Variants in TMEM11 observed in about 807,000 individuals in gnomAD.
The protein encoded by TMEM11 is transmembrane protein 11, mitochondrial.
Under a neutral mutation model 17.0 loss-of-function variants are expected in TMEM11, and 1 was observed. That is an observed-to-expected ratio of 0.06 (90% confidence interval 0.02 to 0.28). The LOEUF (loss-of-function observed/expected upper bound fraction) is 0.28. TMEM11 is among the 10% of genes least tolerant of loss of function. TMEM11 has a pLI of 1.00. For synonymous variants in TMEM11, 122 were observed against 118.1 expected (o/e 1.03, Z -0.21); for missense variants, 172 against 252.9 (o/e 0.68, Z 2.17).
At chr17:21,205,157 G>A (rs958892198) in intron 1 of TMEM11, among the ~76,000 whole-genome samples, 1 of 152,116 alleles carries the variant, frequency 6.6e-6, no homozygotes, top group African/African-American at 2.4e-5. Flanking sequence ...CGGCCCCTCT[G>A]GGATGTGGGC....
chr17:21,199,789 G>A (rs1265770947), intron 1 of TMEM11, among the ~76,000 whole-genome samples: 1 of 152,184 alleles, frequency 6.6e-6, no homozygotes, highest in South Asian at 2.1e-4. Flanking sequence ...GCTGCGGAGG[G>A]GAGAAGAGGA....
chr17:21,211,354 C>T, intron 1 of TMEM11: 1 of 673,534 alleles, frequency 1.5e-6, no homozygotes, highest in African/African-American at 1.9e-5. Context: ...TGGAAATGTC[C>T]TCCACCTATG....
intron 1 of TMEM11, among the ~76,000 whole-genome samples, chr17:21,209,119 C>A (rs1417187452): frequency 6.6e-6 from 1 of 152,248 alleles, no homozygotes; most frequent in Non-Finnish European, 1.5e-5. Flanking sequence ...TCCCACAGGC[C>A]AAGGAACTTT....
chr17:21,209,343 AC>A (rs1282650189), intron 1 of TMEM11, among the ~76,000 whole-genome samples: 14 of 152,208 alleles, frequency 9.2e-5, no homozygotes, highest in Non-Finnish European at 2.1e-4. Flanking sequence ...ATGTTGTCAA[AC>A]GGGGCCAGAG....
intron 1 of TMEM11, among the ~76,000 whole-genome samples, chr17:21,199,096 G>A (rs1014923048): frequency 5.9e-5 from 9 of 151,556 alleles, no homozygotes; most frequent in Admixed American, 3.9e-4. Flanking sequence ...CCGGGGGGGC[G>A]GATCATGAGG....
At chr17:21,203,694 G>GA (rs1555542164) in intron 1 of TMEM11, among the ~76,000 whole-genome samples, 17 of 143,650 alleles carry the variant, frequency 1.2e-4, no homozygotes, top group Non-Finnish European at 2.1e-4. Flanking sequence ...ATGACAGAAA[G>GA]AAAAAAAAGA....
At chr17:21,200,828 G>A (rs1291110074) in intron 1 of TMEM11, among the ~76,000 whole-genome samples, 1 of 152,242 alleles carries the variant, frequency 6.6e-6, no homozygotes, top group Non-Finnish European at 1.5e-5. Context: ...CTGCGGTGCA[G>A]AGGAGAGTCA....
Position 21,199,095 on chromosome 17 carries a change from C to A in TMEM11, c.63-255G>T, listed in dbSNP as rs576430285. ...CTAGCACTTTGGGAGGCCGGGGGGGCGGATCATGAGGTCAGGAGTTAGAGA... is the reference window on the plus strand; with the variant it reads ...CTAGCACTTTGGGAGGCCGGGGGGGAGGATCATGAGGTCAGGAGTTAGAGA... On this transcript the variant is annotated intron_variant, in intron 1 of 1. Transcript: ENST00000317635. 2.7e-5 allele frequency among the ~76,000 whole-genome samples: 4 copies of A among 150,582 alleles called. No homozygotes were observed. The East Asian group carries it at 5.8e-4, about 22-fold the overall frequency.
chr17:21,208,535 T>C (rs905450083), intron 1 of TMEM11: 15 of 152,124 alleles, frequency 9.9e-5, no homozygotes, highest in African/African-American at 2.7e-4. Flanking sequence ...TGTGTACCTG[T>C]AGTCCTGCCC....
rs770577880 is a variant in TMEM11 at position 21,200,774 on chromosome 17, G to A, written c.63-1934C>T. ...AGCACAGCCCTCAGTGTGCACAGAC[G>A]CGAAGGTCCCGTCCGCCCAGCCTGT... is the stretch of plus-strand genomic sequence containing the variant. On this transcript the variant is annotated intron_variant, in intron 1 of 1. Transcript: ENST00000317635. Among the ~76,000 whole-genome samples the A allele has an allele frequency of 4.6e-4, 70 of 152,326 alleles. 1 individual carries two copies. The highest frequency in any genetic ancestry group is 1.4e-3 in the South Asian group (7 of 4,830).
intron 1 of TMEM11, among the ~76,000 whole-genome samples, chr17:21,201,831 C>T (rs1426524392): frequency 2.0e-5 from 3 of 152,172 alleles, no homozygotes; most frequent in Non-Finnish European, 4.4e-5. Flanking sequence ...GGGGTTATGC[C>T]ATGTTGCCCA....
At chr17:21,205,988 G>A (rs1037941867) in intron 1 of TMEM11, among the ~76,000 whole-genome samples, 1 of 151,806 alleles carries the variant, frequency 6.6e-6, no homozygotes, top group Non-Finnish European at 1.5e-5. Flanking sequence ...ACTGGCTATT[G>A]TGAATAATGC....
In TMEM11 at chr17:21,198,436, G is replaced by A; in HGVS notation, c.467C>T (p.Pro156Leu). Residue 156 changes from proline to leucine, a missense_variant, in exon 2 of 2, where the codon CCG (proline) becomes CTG (leucine). Pro to Leu is a moderately conservative substitution (Grantham distance 98). Transcript: ENST00000317635. This position sits in a 1 kb window ranked among gnomAD's most constrained non-coding sequence, Gnocchi z 6.5. The stretch of plus-strand genomic sequence containing the variant: ...GTCGTCCTTCCGGACCAGCACCACC[G>A]GGGTGGAGGAGGTGAGTGTGTGCAG... ...LPLHTLTSST[P>L]VVLVRKDDLH... 1.2e-6 allele frequency: 2 copies of A among 1,614,220 alleles called. No homozygotes were observed. The highest frequency in any genetic ancestry group is 1.7e-6 in the Non-Finnish European group (2 of 1,180,052).
intron 1 of TMEM11, among the ~76,000 whole-genome samples, chr17:21,203,239 C>T (rs1014241968): frequency 5.9e-5 from 9 of 152,324 alleles, no homozygotes; most frequent in Admixed American, 2.0e-4. Flanking sequence ...CACCCAAAGC[C>T]GCAGGATCCC....
intron 1 of TMEM11, among the ~76,000 whole-genome samples, chr17:21,206,266 G>C (rs1416153775): frequency 6.6e-6 from 1 of 152,148 alleles, no homozygotes; most frequent in African/African-American, 2.4e-5. Context: ...CCATTGCCCA[G>C]GCTGGAGCGC....
Position 21,198,399 on chromosome 17 carries a change from C to G in TMEM11, c.504G>C (p.Lys168Asn). 1 of 1,614,260 alleles carries G rather than the reference C, an allele frequency of 6.2e-7. No individual in the cohort carries two copies. Among genetic ancestry groups the G allele is most frequent in the Non-Finnish European group, 8.5e-7 (1 of 1,180,056 alleles). The change falls in exon 2 of 2, where the codon AAG (lysine) becomes AAC (asparagine). Residue 168 changes from lysine to asparagine, a missense_variant. Around this residue, in one of 2 missense-constraint regions of TMEM11, gnomAD observed 123 missense variants for 213.6 expected, o/e 0.58. Coordinates refer to ENST00000317635, the MANE Select transcript of TMEM11 (RefSeq NM_003876.3). This position sits in a 1 kb window ranked among gnomAD's most constrained non-coding sequence, Gnocchi z 6.5. ...VLVRKDDLHR[K>N]RLHNTIALAA... is the part of the protein sequence containing the mutation. The stretch of plus-strand genomic sequence containing the variant: ...CCAGTGCTATCGTGTTGTGCAGTCT[C>G]TTTCTGTGCAGGTCGTCCTTCCGGA...
intron 1 of TMEM11, chr17:21,211,294 CCTAT>C (rs1975000545): frequency 1.7e-6 from 2 of 1,186,454 alleles, no homozygotes; most frequent in South Asian, 2.6e-5. Context: ...TTCCACCCCT[CCTAT>C]CTTAGTCGAA....
intron 1 of TMEM11, chr17:21,211,032 G>A (rs1974997529): frequency 7.8e-7 from 1 of 1,289,822 alleles, no homozygotes; most frequent in Non-Finnish European, 1.0e-6. Flanking sequence ...CTGTGAGCTG[G>A]TCCGGGCTGG....
chr17:21,198,234 G>C lies in TMEM11; in HGVS notation c.*90C>G. 6.8e-7 allele frequency: 1 copy of C among 1,470,998 alleles called. No homozygotes were observed. The highest frequency in any genetic ancestry group is 9.2e-7 in the Non-Finnish European group (1 of 1,088,226). The allele number at this position is 1,470,998 out of a possible 1,614,324, so 91.1% of individuals were successfully genotyped here. A position where few individuals can be genotyped will look rare whatever the true frequency, so the allele number is the denominator to read the frequency against. ...AATACTAAGCCAAACACCTGCCCAG[G>C]CTCTGCTGCCTCACAGAGTGTGGCG... On this transcript the variant is annotated 3_prime_UTR_variant, in exon 2 of 2. Coordinates refer to ENST00000317635, the MANE Select transcript of TMEM11 (RefSeq NM_003876.3). The surrounding 1 kb of genome is among the most constrained non-coding windows in gnomAD (Gnocchi z 6.5).
Sources: allele counts gnomAD v4.1 joint callset (sites outside exome capture counted in the v4.1 genomes callset), GRCh38; gene constraint gnomAD v4.1.1; regional missense constraint gnomAD v4.1.1; non-coding constraint Gnocchi (gnomAD v3.1); transcripts MANE v1.5; gene names NCBI Gene and HGNC (gene_info 2026-07-23, HGNC 2026-07-21).